Variants in PPM1D observed in about 807,000 individuals in gnomAD.
PPM1D encodes protein phosphatase 1D.
Under a neutral mutation model 58.3 loss-of-function variants are expected in PPM1D, and 52 were observed. The ratio of observed to expected loss-of-function variants is 0.89; its 90% CI spans 0.71 to 1.12. PPM1D has a LOEUF of 1.12. PPM1D is among the 50% of genes most tolerant of loss of function. The pLI is 0.00. For synonymous variants in PPM1D, 278 were observed against 285.1 expected, an observed-to-expected ratio of 0.98 and a Z score of 0.25; for missense variants, 564 against 777.2, an observed-to-expected ratio of 0.73 and a Z score of 3.26.
chr17:60,621,466 C>T (rs772754663), intron 1 of PPM1D, among the ~76,000 whole-genome samples: 6 of 152,174 alleles, frequency 3.9e-5, no homozygotes, highest in Non-Finnish European at 7.4e-5. Context: ...ACCATCTCCA[C>T]TCACTGCAGC....
In PPM1D at chr17:60,633,701, G is replaced by A. The variant is rs1325981236; in HGVS notation, c.702-152G>A. ...TCTACCCTAATTCCTCTCTGAACAGGAATTTTGGCTTATGCATCTTTGTAT... is the reference window on the plus strand; with the variant it reads ...TCTACCCTAATTCCTCTCTGAACAGAAATTTTGGCTTATGCATCTTTGTAT... On this transcript the variant is annotated intron_variant, in intron 2 of 5. Transcript: ENST00000305921. The A allele has an allele frequency of 9.7e-6, 8 of 821,422 alleles. No homozygotes were observed. In the South Asian group the frequency reaches 1.2e-4, roughly 12 times the overall value. The allele number at this position is 821,422 out of a possible 1,614,324, so 50.9% of individuals were successfully genotyped here.
rs1159638498 is a variant in PPM1D, at chr17:60,621,981, A to T, written c.473-1540A>T. Among the ~76,000 whole-genome samples, 10 of 150,092 alleles carry T rather than the reference A, an allele frequency of 6.7e-5. No individual in the cohort carries two copies. In the East Asian group the frequency reaches 1.6e-3, roughly 24 times the overall value. On this transcript the variant is annotated intron_variant, in intron 1 of 5. Coordinates refer to ENST00000305921, the MANE Select transcript of PPM1D (RefSeq NM_003620.4). The stretch of plus-strand genomic sequence containing the variant: ...GGCGGGCAGATCACGAGGTCAGGAG[A>T]TCGAGACCATCCTGGCTAACACAGT...
At chr17:60,601,017 C>G in intron 1 of PPM1D, 131 bp downstream of exon 1, 3 of 1,338,418 alleles carry the variant, frequency 2.2e-6, no homozygotes, top group Non-Finnish European at 3.0e-6. Context: ...TGACTAAAAG[C>G]TGTAATAGCG....
intron 5 of PPM1D, among the ~76,000 whole-genome samples, chr17:60,660,717 C>T (rs1177204952): frequency 1.2e-4 from 18 of 150,770 alleles, no homozygotes; most frequent in Admixed American, 6.6e-4. Flanking sequence ...ACAGAGATCG[C>T]GCCACTGCAC....
chr17:60,614,429 A>G (rs779785976), intron 1 of PPM1D, among the ~76,000 whole-genome samples: 12 of 152,148 alleles, frequency 7.9e-5, no homozygotes, highest in Non-Finnish European at 7.4e-5. Context: ...AGGGATTGTA[A>G]ATGCACCAAT....
chr17:60,644,471 A>G (rs1014482494), intron 3 of PPM1D, among the ~76,000 whole-genome samples: 1 of 152,180 alleles, frequency 6.6e-6, no homozygotes, highest in African/African-American at 2.4e-5. Context: ...GGATATTAAA[A>G]ATGCATTATT....
At chr17:60,626,690 G>A (rs1049361216) in intron 2 of PPM1D, among the ~76,000 whole-genome samples, 12 of 151,536 alleles carry the variant, frequency 7.9e-5, no homozygotes, top group East Asian at 5.8e-4. Context: ...CACTGCACCC[G>A]GCAATGATGT....
chr17:60,614,001 G>GGCCCAAGGGCTGAGGAGTGCGT (rs2030524340), intron 1 of PPM1D, among the ~76,000 whole-genome samples: 1 of 152,032 alleles, frequency 6.6e-6, no homozygotes, highest in Non-Finnish European at 1.5e-5. Context: ...GAGGAGTGCG[G>GGCCCAAGGGCTGAGGAGTGCGT]GCCCAAGGGC....
chr17:60,649,903 T>G (rs185851551), intron 4 of PPM1D, among the ~76,000 whole-genome samples: 14 of 152,308 alleles, frequency 9.2e-5, no homozygotes, highest in African/African-American at 3.1e-4. Flanking sequence ...CCTGGTGTGT[T>G]GCATTTAGTT....
intron 1 of PPM1D, among the ~76,000 whole-genome samples, chr17:60,603,736 C>T (rs373230897): frequency 1.3e-5 from 2 of 148,654 alleles, no homozygotes; most frequent in East Asian, 4.0e-4. Flanking sequence ...TGCACTCCAG[C>T]CTGGGCAACA....
At chr17:60,643,065 A>G (rs2031168557) in intron 3 of PPM1D, among the ~76,000 whole-genome samples, 1 of 150,866 alleles carries the variant, frequency 6.6e-6, no homozygotes, top group Non-Finnish European at 1.5e-5. Flanking sequence ...GAAAAAAAAA[A>G]AAAAAAAGAC....
chr17:60,605,252 C>T (rs972348210), intron 1 of PPM1D, among the ~76,000 whole-genome samples: 1 of 152,198 alleles, frequency 6.6e-6, no homozygotes, highest in Non-Finnish European at 1.5e-5. Context: ...TTGCTTTCTA[C>T]CATCAGTACA....
chr17:60,635,369 C>T (rs141024610), intron 3 of PPM1D, among the ~76,000 whole-genome samples: 11 of 152,162 alleles, frequency 7.2e-5, no homozygotes, highest in African/African-American at 2.4e-4. Flanking sequence ...GCATGCACCA[C>T]CACTACCGGC....
At chr17:60,653,365 T>A (rs1156588092) in intron 4 of PPM1D, among the ~76,000 whole-genome samples, 1 of 152,196 alleles carries the variant, frequency 6.6e-6, no homozygotes, top group African/African-American at 2.4e-5. Context: ...GATTTATACA[T>A]AGGTTTTCTG....
chr17:60,631,888 C>T (rs1598406110), intron 2 of PPM1D, among the ~76,000 whole-genome samples: 1 of 152,124 alleles, frequency 6.6e-6, no homozygotes, highest in East Asian at 1.9e-4. Flanking sequence ...AAGAACTAAT[C>T]ATATTTCAGG....
intron 4 of PPM1D, among the ~76,000 whole-genome samples, chr17:60,651,703 C>G (rs1392106633): frequency 2.0e-5 from 3 of 151,990 alleles, no homozygotes; most frequent in African/African-American, 7.2e-5. Context: ...GCCACCACGC[C>G]CAGCCGACAG....
At chr17:60,610,209 T>C (rs2143629102) in intron 1 of PPM1D, among the ~76,000 whole-genome samples, 1 of 151,352 alleles carries the variant, frequency 6.6e-6, no homozygotes, top group African/African-American at 2.4e-5. Context: ...TGTATGTACG[T>C]ATAGGAAAAA....
intron 5 of PPM1D, among the ~76,000 whole-genome samples, chr17:60,661,350 TTTGA>T (rs10568165): frequency 0.042 from 6,380 of 152,098 alleles, 361 homozygotes; most frequent in African/African-American, 0.13. Context: ...TTTTGATACA[TTTGA>T]TTGAGAGTCC....
chr17:60,613,650 A>T (rs1031519988), intron 1 of PPM1D, among the ~76,000 whole-genome samples: 3 of 152,208 alleles, frequency 2.0e-5, no homozygotes, highest in African/African-American at 7.2e-5. Context: ...TGCGTGCTGC[A>T]CTTGTGGGCC....
Sources: gnomAD v4.1 joint callset for allele counts (sites outside exome capture counted in the v4.1 genomes callset) on GRCh38, gnomAD v4.1.1 for gene constraint, MANE v1.5 for transcripts, NCBI Gene and HGNC (gene_info 2026-07-23, HGNC 2026-07-21) for gene names.